Variants in PPP1R10 observed in about 807,000 individuals in gnomAD.
The protein encoded by PPP1R10 is protein phosphatase 1 regulatory subunit 10.
In PPP1R10, 15 loss-of-function variants were observed where a neutral mutation model predicts 99.0. The ratio of observed to expected loss-of-function variants is 0.15; its 90% confidence interval spans 0.10 to 0.23. PPP1R10 has a LOEUF of 0.23. Ranked by LOEUF, PPP1R10 falls within the 10% of genes least tolerant of loss-of-function variation. PPP1R10 has a pLI of 1.00. For synonymous variants in PPP1R10, 430 were observed against 449.5 expected (o/e 0.96, Z 0.55); for missense variants, 947 against 1,259.4 (o/e 0.75, Z 3.75).
chr6:30,615,800 C>G, intron 2 of PPP1R10, among the ~76,000 whole-genome samples: 1 of 152,174 alleles, frequency 6.6e-6, no homozygotes, highest in East Asian at 1.9e-4. Flanking sequence ...CAACTATTAT[C>G]TTGTATGTAC....
chr6:30,607,397 CT>C (rs1804062708), intron 6 of PPP1R10, among the ~76,000 whole-genome samples: 1 of 152,134 alleles, frequency 6.6e-6, no homozygotes, highest in Non-Finnish European at 1.5e-5. Context: ...TGAAAAAATA[CT>C]TTGTAACTCT....
In PPP1R10 at chr6:30,607,820, G is replaced by A. The variant is rs943252209; in HGVS notation, c.382+20C>T. 2.5e-6 allele frequency: 4 copies of A among 1,608,004 alleles called. No homozygotes were observed. The Admixed American group carries it at 6.7e-5, about 27-fold the overall frequency. On this transcript the variant is annotated intron_variant, in intron 6 of 19. Transcript: ENST00000376511. ...AAGTAATAGAGAAAAGCCCATGAGA[G>A]AGCAGAAGTGGCACCCTACCTTCAT... is the stretch of plus-strand genomic sequence containing the variant.
chr6:30,604,250 A>G lies in PPP1R10; in HGVS notation c.1266T>C (p.Asn422=), dbSNP rs1286190562. Reference sequence around the variant, plus strand: ...CACCAAAGTCCTTGATCTTATTCACATTTACTGTCGGCAGGGGAAGAAAAG... The same window carrying G: ...CACCAAAGTCCTTGATCTTATTCACGTTTACTGTCGGCAGGGGAAGAAAAG... The part of the protein sequence containing the change: ...YFELDETERV[N]VNKIKDFGEA... Residue 422 remains asparagine (N), a synonymous_variant, in exon 14 of 20, where the codon AAT becomes AAC. Coordinates refer to ENST00000376511, the MANE Select transcript of PPP1R10 (RefSeq NM_002714.4). The surrounding 1 kb of genome is among the most constrained non-coding windows in gnomAD (Gnocchi z 7.3). 1 of 1,614,090 alleles carries G rather than the reference A, an allele frequency of 6.2e-7. No homozygotes were observed. Among genetic ancestry groups the G allele is most frequent in the Admixed American group, 1.7e-5 (1 of 60,016 alleles).
At position 30,606,732 on chromosome 6, in the gene PPP1R10, C is replaced by T. The variant is rs1486632834; in HGVS notation, c.460+47G>A. On this transcript the variant is annotated intron_variant, in intron 7 of 19. Coordinates refer to ENST00000376511, the MANE Select transcript of PPP1R10 (RefSeq NM_002714.4). This position sits in a 1 kb window ranked among gnomAD's most constrained non-coding sequence, Gnocchi z 6.3. ...CTGGGAGCACCTAAAGGCCACATCC[C>T]AATAGGAAAGAAATAAATACAAAGG... 2.5e-6 allele frequency: 4 copies of T among 1,610,074 alleles called. No individual in the cohort carries two copies. Among genetic ancestry groups the T allele is most frequent in the Non-Finnish European group, 3.4e-6 (4 of 1,176,404 alleles).
chr6:30,602,643 G>T lies in PPP1R10; in HGVS notation c.2006C>A (p.Pro669His). Residue 669 changes from proline (P) to histidine (H), a missense_variant, in exon 19 of 20, where the codon CCT (proline) becomes CAT (histidine). Physicochemically the swap from Pro to His is moderately conservative, Grantham distance 77. Coordinates refer to ENST00000376511, the MANE Select transcript of PPP1R10 (RefSeq NM_002714.4). This position sits in a 1 kb window ranked among gnomAD's most constrained non-coding sequence, Gnocchi z 6.7. ...GGPVGPRLLGPPPPPRGGDPF... is the reference protein window; with the variant it reads ...GGPVGPRLLGHPPPPRGGDPF... ...ATCACCTCCCCGGGGAGGGGGTGGAGGACCCAGAAGACGTGGACCCACTGG... is the reference window on the plus strand; with the variant it reads ...ATCACCTCCCCGGGGAGGGGGTGGATGACCCAGAAGACGTGGACCCACTGG... 6.3e-7 allele frequency: 1 copy of T among 1,593,302 alleles called. No individual in the cohort carries two copies.
At chr6:30,613,197 G>A (rs997670035) in intron 2 of PPP1R10, among the ~76,000 whole-genome samples, 6 of 152,204 alleles carry the variant, frequency 3.9e-5, no homozygotes, top group Admixed American at 1.3e-4. Flanking sequence ...TTACTTGAGG[G>A]TTATTCAATT....
Position 30,606,003 on chromosome 6 carries a change from G to A in PPP1R10, c.773C>T (p.Pro258Leu), listed in dbSNP as rs758058209. 1 of 1,614,050 alleles carries A rather than the reference G, an allele frequency of 6.2e-7. No individual in the cohort carries two copies. The change falls in exon 10 of 20, where the codon CCT (proline) becomes CTT (leucine). Residue 258 changes from proline to leucine, a missense_variant. By Grantham distance (98) the Pro-to-Leu change is moderately conservative. Around this residue, in one of 10 missense-constraint regions of PPP1R10, gnomAD observed 39 missense variants for 34.4 expected, o/e 1.14. Coordinates refer to ENST00000376511, the MANE Select transcript of PPP1R10 (RefSeq NM_002714.4). The surrounding 1 kb of genome is among the most constrained non-coding windows in gnomAD (Gnocchi z 6.3). ...GAGTGGCTTGTATTTCTTCTCTGCA[G>A]GGGGAGTGGCATCTCCTGGAGCAGC... ...NVAAPGDATP[P>L]AEKKYKPLNT...
rs1410967836 is a variant in PPP1R10 at position 30,616,784 on chromosome 6, C to T, written c.-318G>A. ...GATTATTTTTGAAGTTATGTAGTGA[C>T]GGTCCTTCGGCCACAGATTTCAAGT... On this transcript the variant is annotated 5_prime_UTR_variant, in exon 2 of 20. Coordinates refer to ENST00000376511, the MANE Select transcript of PPP1R10 (RefSeq NM_002714.4). The T allele has an allele frequency of 6.6e-6, 1 of 152,094 alleles. No homozygotes were observed. The highest frequency in any genetic ancestry group is 1.5e-5 in the Non-Finnish European group (1 of 68,010). 9.4% of individuals were successfully genotyped at this position (152,094 alleles called of 1,614,324 possible).
intron 2 of PPP1R10, among the ~76,000 whole-genome samples, chr6:30,612,667 G>T (rs769516773): frequency 3.3e-5 from 5 of 152,156 alleles, no homozygotes; most frequent in South Asian, 2.1e-4. Flanking sequence ...CCTTCAGGAA[G>T]ATTAGTTCTT....
In PPP1R10 at chr6:30,604,853, C is replaced by T; in HGVS notation, c.955-118G>A. On this transcript the variant is annotated intron_variant, in intron 11 of 19. Transcript: ENST00000376511. The surrounding 1 kb of genome is among the most constrained non-coding windows in gnomAD (Gnocchi z 7.3). ...CCTATATAAAGGAAGACTCTGTCTC[C>T]ACAATGTCTCACCTGCACCAGTCTA... 1 of 1,524,268 alleles carries T rather than the reference C, an allele frequency of 6.6e-7. No homozygotes were observed. The allele number at this position is 1,524,268 out of a possible 1,614,324, so 94.4% of individuals were successfully genotyped here.
At position 30,606,187 on chromosome 6, in the gene PPP1R10, C is replaced by T; in HGVS notation, c.691G>A (p.Val231Met). ...TTAAGGTTGTACTTGTCAGAAACCA[C>T]CACTGTGCTGGCATTCTTCTTCACA... Reference protein sequence around the residue: ...VPVKKNASTVVVSDKYNLKPI... With the variant: ...VPVKKNASTVMVSDKYNLKPI... Residue 231 changes from valine to methionine, a missense_variant, in exon 9 of 20, where the codon GTG becomes ATG. This residue lies in a region of PPP1R10 where 92 missense variants were observed against 159.2 expected (regional missense o/e 0.58). Transcript: ENST00000376511. This position sits in a 1 kb window ranked among gnomAD's most constrained non-coding sequence, Gnocchi z 6.3. 3 of 1,614,168 alleles carry T rather than the reference C, an allele frequency of 1.9e-6. No individual in the cohort carries two copies. The highest frequency in any genetic ancestry group is 2.2e-5 in the South Asian group (2 of 91,078).
intron 2 of PPP1R10, among the ~76,000 whole-genome samples, chr6:30,612,032 G>A (rs1005302659): frequency 8.5e-5 from 13 of 152,164 alleles, no homozygotes; most frequent in African/African-American, 3.1e-4. Flanking sequence ...CACATCTGTT[G>A]GAGACTGGAA....
intron 2 of PPP1R10, among the ~76,000 whole-genome samples, chr6:30,610,824 A>G (rs1804479022): frequency 6.6e-6 from 1 of 152,256 alleles, no homozygotes; most frequent in South Asian, 2.1e-4. Flanking sequence ...GGGAACAGAT[A>G]AAGCCAAATG....
At position 30,602,203 on chromosome 6, in the gene PPP1R10, G is replaced by A. The variant is rs1803399629; in HGVS notation, c.2446C>T (p.His816Tyr). The change falls in exon 19 of 20, where the codon CAT becomes TAT. Residue 816 changes from histidine (H) to tyrosine (Y), a missense_variant. By Grantham distance (83) the His-to-Tyr change is moderately conservative. Coordinates refer to ENST00000376511, the MANE Select transcript of PPP1R10 (RefSeq NM_002714.4). The surrounding 1 kb of genome is among the most constrained non-coding windows in gnomAD (Gnocchi z 6.7). ...GISGGSGHRP[H>Y]EGPGGGMGAG... Reference sequence around the variant, plus strand: ...CCCATTCCTCCGCCAGGGCCTTCATGGGGACGATGGCCACTGCCACCACTG... The same window carrying A: ...CCCATTCCTCCGCCAGGGCCTTCATAGGGACGATGGCCACTGCCACCACTG... The A allele has an allele frequency of 1.2e-6, 2 of 1,611,070 alleles. No individual in the cohort carries two copies. The highest frequency in any genetic ancestry group is 1.1e-5 in the South Asian group (1 of 90,880).
chr6:30,608,925 G>A lies in PPP1R10; in HGVS notation c.195-11C>T, dbSNP rs367676284. 3 of 1,614,022 alleles carry A rather than the reference G, an allele frequency of 1.9e-6. No individual in the cohort carries two copies. The highest frequency in any genetic ancestry group is 2.5e-6 in the Non-Finnish European group (3 of 1,180,028). On this transcript the variant is annotated splice_polypyrimidine_tract_variant and intron_variant, in intron 4 of 19. Transcript: ENST00000376511. Reference sequence around the variant, plus strand: ...CCAACGTCAATAAATCTGCAGGCAGGCAGGAGAGTCTATCAGTAATGCCCT... The same window carrying A: ...CCAACGTCAATAAATCTGCAGGCAGACAGGAGAGTCTATCAGTAATGCCCT...
In PPP1R10 at chr6:30,602,550, G is replaced by A. The variant is rs1803463579; in HGVS notation, c.2099C>T (p.Pro700Leu). 1 of 1,570,196 alleles carries A rather than the reference G, an allele frequency of 6.4e-7. No homozygotes were observed. Among genetic ancestry groups the A allele is most frequent in the Non-Finnish European group, 8.6e-7 (1 of 1,159,762 alleles). The stretch of plus-strand genomic sequence containing the variant: ...ACCTCGGCCTCTATGGTATGGTCCA[G>A]GACCTGGTCCTGGACCCCCCCGCAT... ...GPMRGGPGPG[P>L]GPYHRGRGGR... The change falls in exon 19 of 20, where the codon CCT becomes CTT. Residue 700 changes from proline (P) to leucine (L), a missense_variant. By Grantham distance (98) the Pro-to-Leu change is moderately conservative. Around this residue, in one of 10 missense-constraint regions of PPP1R10, gnomAD observed 525 missense variants for 578.8 expected, o/e 0.91. Transcript: ENST00000376511. The surrounding 1 kb of genome is among the most constrained non-coding windows in gnomAD (Gnocchi z 6.7).
rs1225714846 is a variant in PPP1R10, at chr6:30,606,781, G to C, written c.458C>G (p.Ala153Gly). ...VIRSQSSTQPAEKDKKKRKDE... is the reference protein window; with the variant it reads ...VIRSQSSTQPGEKDKKKRKDE... ...GGATAAAGGACTAAGGAGCTTACCAGCAGGCTGGGTACTGCTCTGAGAGCG... is the reference window on the plus strand; with the variant it reads ...GGATAAAGGACTAAGGAGCTTACCACCAGGCTGGGTACTGCTCTGAGAGCG... Residue 153 changes from alanine (A) to glycine (G), a missense_variant and splice_region_variant, in exon 7 of 20, where the codon GCT (alanine) becomes GGT (glycine). Around this residue, in one of 10 missense-constraint regions of PPP1R10, gnomAD observed 92 missense variants for 159.2 expected, o/e 0.58. Coordinates refer to ENST00000376511, the MANE Select transcript of PPP1R10 (RefSeq NM_002714.4). The surrounding 1 kb of genome is among the most constrained non-coding windows in gnomAD (Gnocchi z 6.3). 1.2e-6 allele frequency: 2 copies of C among 1,613,906 alleles called. No individual in the cohort carries two copies. The highest frequency in any genetic ancestry group is 3.3e-5 in the Admixed American group (2 of 60,020).
rs550516174 is a variant in PPP1R10 at position 30,607,978 on chromosome 6, C to A, written c.331-87G>T. ...TAAAAACGACAAAAGTTACAGTCCTCCCTGCTTTTTTTTTTTTTTTTATTT... is the reference window on the plus strand; with the variant it reads ...TAAAAACGACAAAAGTTACAGTCCTACCTGCTTTTTTTTTTTTTTTTATTT... On this transcript the variant is annotated intron_variant, in intron 5 of 19. Coordinates refer to ENST00000376511, the MANE Select transcript of PPP1R10 (RefSeq NM_002714.4). 146 of 1,287,854 alleles carry A rather than the reference C, an allele frequency of 1.1e-4. 1 individual carries two copies. The highest frequency in any genetic ancestry group is 1.3e-4 in the Non-Finnish European group (118 of 915,464). 79.8% of individuals were successfully genotyped at this position (1,287,854 alleles called of 1,614,324 possible).
chr6:30,607,492 A>G (rs182126611), intron 6 of PPP1R10, among the ~76,000 whole-genome samples: 2 of 152,314 alleles, frequency 1.3e-5, no homozygotes, highest in Non-Finnish European at 2.9e-5. Flanking sequence ...CTCATTTCAT[A>G]ATTTATCATT....
Sources: allele counts gnomAD v4.1 joint callset (sites outside exome capture counted in the v4.1 genomes callset), GRCh38; gene constraint gnomAD v4.1.1; regional missense constraint gnomAD v4.1.1; non-coding constraint Gnocchi (gnomAD v3.1); transcripts MANE v1.5; gene names NCBI Gene and HGNC (gene_info 2026-07-23, HGNC 2026-07-21).